The following COL19A1 variants were observed in gnomAD, a reference collection of about 807,000 sequenced individuals.
COL19A1 encodes collagen type XIX alpha 1 chain.
Under a neutral mutation model 190.2 loss-of-function variants are expected in COL19A1, and 159 were observed. That is an observed-to-expected ratio of 0.84 (90% CI 0.73 to 0.95). The LOEUF is 0.95. Among genes scored for constraint, COL19A1 ranks in the 40% least tolerant of loss-of-function variants. COL19A1 has a pLI of 0.00. For missense variants in COL19A1, 1,418 were observed against 1,431.9 expected (o/e 0.99, Z 0.16); for synonymous variants, 509 against 458.9 (o/e 1.11, Z -1.39).
intron 1 of COL19A1, among the ~76,000 whole-genome samples, chr6:69,867,866 A>T (rs941213487): frequency 7.9e-5 from 12 of 152,220 alleles, no homozygotes; most frequent in African/African-American, 2.9e-4. Context: ...TTAATAGAAC[A>T]ATCCGTGAAT....
At chr6:70,087,102 T>G (rs1265244928) in intron 15 of COL19A1, among the ~76,000 whole-genome samples, 5 of 152,188 alleles carry the variant, frequency 3.3e-5, no homozygotes, top group African/African-American at 1.2e-4. Context: ...AAAGACTATA[T>G]GTCTCACAAA....
intron 9 of COL19A1, among the ~76,000 whole-genome samples, chr6:69,949,764 T>C (rs528163542): frequency 5.4e-4 from 82 of 151,980 alleles, no homozygotes; most frequent in South Asian, 1.9e-3. Context: ...TTGACTCTGC[T>C]TGTCAGCAGT....
At chr6:70,201,146 A>T (rs1021208847) in intron 49 of COL19A1, among the ~76,000 whole-genome samples, 4 of 152,250 alleles carry the variant, frequency 2.6e-5, no homozygotes, top group African/African-American at 9.6e-5. Flanking sequence ...AAGAATAAGC[A>T]GCGTTAACAC....
intron 11 of COL19A1, among the ~76,000 whole-genome samples, chr6:70,000,191 C>T (rs559370554): frequency 7.2e-5 from 11 of 152,276 alleles, no homozygotes; most frequent in African/African-American, 2.6e-4. Context: ...CTGCAAAGGA[C>T]ATGATCTCAT....
intron 1 of COL19A1, among the ~76,000 whole-genome samples, chr6:69,874,699 C>T (rs1003461771): frequency 1.1e-4 from 17 of 151,604 alleles, no homozygotes; most frequent in Non-Finnish European, 1.9e-4. Context: ...TGCAGTGAGC[C>T]GAGATCGCAC....
chr6:69,886,120 T>C (rs993329986), intron 2 of COL19A1, among the ~76,000 whole-genome samples: 3 of 152,208 alleles, frequency 2.0e-5, no homozygotes, highest in African/African-American at 7.2e-5. Context: ...AACGTATTTT[T>C]AAAACTCAAT....
intron 11 of COL19A1, among the ~76,000 whole-genome samples, chr6:70,002,821 C>CTT (rs1777351266): frequency 7.3e-5 from 10 of 137,524 alleles, no homozygotes; most frequent in East Asian, 2.1e-4. Flanking sequence ...TTTTTTTTTC[C>CTT]TCAAAAAAGC....
chr6:69,873,541 C>CT (rs1767961568), intron 1 of COL19A1, among the ~76,000 whole-genome samples: 2 of 152,238 alleles, frequency 1.3e-5, no homozygotes, highest in Non-Finnish European at 2.9e-5. Context: ...CTGTTACATT[C>CT]TAACTTGACA....
chr6:70,075,756 C>T (rs1187927580), intron 15 of COL19A1, among the ~76,000 whole-genome samples: 2 of 151,600 alleles, frequency 1.3e-5, no homozygotes, highest in South Asian at 4.2e-4. Context: ...AGAGACAAAA[C>T]GCCCTGGAAA....
intron 11 of COL19A1, among the ~76,000 whole-genome samples, chr6:70,012,070 A>C (rs1214230915): frequency 1.1e-4 from 1 of 8,960 alleles, no homozygotes; most frequent in Non-Finnish European, 1.7e-4. Context: ...ATTCTTAAAG[A>C]AAAGAATTTT....
At chr6:70,147,026 A>G in intron 27 of COL19A1, 137 bp downstream of exon 27, 1 of 696,638 alleles carries the variant, frequency 1.4e-6, no homozygotes, top group Non-Finnish European at 2.3e-6. Context: ...ATGACTGATC[A>G]GCATTGAGGT....
chr6:70,120,410 T>C (rs1784819874), intron 16 of COL19A1, among the ~76,000 whole-genome samples: 1 of 152,202 alleles, frequency 6.6e-6, no homozygotes, highest in Non-Finnish European at 1.5e-5. Context: ...TCAACATGTA[T>C]GGAACTTCAT....
intron 16 of COL19A1, among the ~76,000 whole-genome samples, chr6:70,119,024 A>T (rs1174287258): frequency 6.6e-6 from 1 of 152,196 alleles, no homozygotes; most frequent in Non-Finnish European, 1.5e-5. Flanking sequence ...TTTACAAATC[A>T]TTATCATTCT....
intron 31 of COL19A1, among the ~76,000 whole-genome samples, chr6:70,153,866 T>C (rs1787253681): frequency 6.6e-6 from 1 of 152,126 alleles, no homozygotes; most frequent in Admixed American, 6.6e-5. Flanking sequence ...ATCCAGGTGG[T>C]AAAATTCATC....
At chr6:70,180,608 G>C in intron 44 of COL19A1, 85 bp downstream of exon 44, 1 of 1,420,544 alleles carries the variant, frequency 7.0e-7, no homozygotes, top group South Asian at 1.2e-5. Context: ...GAAATTCTGA[G>C]ATTTGAATAA....
intron 9 of COL19A1, among the ~76,000 whole-genome samples, chr6:69,945,265 A>T (rs1773723774): frequency 6.6e-6 from 1 of 152,042 alleles, no homozygotes; most frequent in Admixed American, 6.6e-5. Flanking sequence ...CAGAAAATCA[A>T]AACTGTTTAA....
intron 1 of COL19A1, among the ~76,000 whole-genome samples, chr6:69,871,385 G>A (rs1400334661): frequency 3.3e-5 from 5 of 152,138 alleles, no homozygotes; most frequent in Non-Finnish European, 7.4e-5. Context: ...ATACTGGATG[G>A]TGGTCAAGAA....
intron 9 of COL19A1, among the ~76,000 whole-genome samples, chr6:69,940,435 C>T (rs987287821): frequency 2.0e-5 from 3 of 151,932 alleles, no homozygotes; most frequent in African/African-American, 7.2e-5. Context: ...AACATTCTCT[C>T]CTTCTATAGA....
At chr6:70,095,989 A>G (rs955200945) in intron 15 of COL19A1, among the ~76,000 whole-genome samples, 1 of 152,142 alleles carries the variant, frequency 6.6e-6, no homozygotes, top group Non-Finnish European at 1.5e-5. Flanking sequence ...TAATACTGCT[A>G]TGAACATGGG....
Sources: gnomAD v4.1 joint callset for allele counts (sites outside exome capture counted in the v4.1 genomes callset) on GRCh38, gnomAD v4.1.1 for gene constraint, MANE v1.5 for transcripts, NCBI Gene and HGNC (gene_info 2026-07-23, HGNC 2026-07-21) for gene names.